The following FOXP2 variants were observed in gnomAD, a reference collection of about 807,000 sequenced individuals.
FOXP2 encodes forkhead box P2, also known as forkhead box protein P2.
Under a neutral mutation model 115.8 loss-of-function variants are expected in FOXP2, and 12 were observed. The observed-to-expected ratio is 0.10, with a 90% CI of 0.07 to 0.17. FOXP2 has a LOEUF of 0.17. Among genes scored for constraint, FOXP2 ranks in the 10% least tolerant of loss-of-function variants. The pLI, the probability that FOXP2 is intolerant of heterozygous loss-of-function variation, is 1.00. For missense variants in FOXP2, 629 were observed against 843.5 expected (o/e 0.75, Z 3.15); for synonymous variants, 328 against 297.7 (o/e 1.10, Z -1.05).
At chr7:114,572,615 G>T (rs557032077) in intron 3 of FOXP2, among the ~76,000 whole-genome samples, 1 of 151,864 alleles carries the variant, frequency 6.6e-6, no homozygotes, top group East Asian at 1.9e-4. Flanking sequence ...AAATGGGACA[G>T]TTTTCCTAAT....
chr7:114,620,258 A>C (rs1804176817), intron 3 of FOXP2, among the ~76,000 whole-genome samples: 1 of 152,106 alleles, frequency 6.6e-6, no homozygotes, highest in Non-Finnish European at 1.5e-5. Flanking sequence ...TAGAAATAAC[A>C]GCAACAAATT....
intron 9 of FOXP2, 46 bp from the exon 10 acceptor site, chr7:114,653,880 T>A (rs752044370): frequency 6.5e-7 from 1 of 1,547,694 alleles, no homozygotes; most frequent in South Asian, 1.1e-5. Context: ...AAAATAGCTG[T>A]ATCAGTCATT....
At chr7:114,097,702 A>T (rs1365557571) in intron 1 of FOXP2, among the ~76,000 whole-genome samples, 1 of 152,126 alleles carries the variant, frequency 6.6e-6, no homozygotes, top group African/African-American at 2.4e-5. Context: ...TTTTGCTCTC[A>T]TACTGCCTTT....
chr7:114,344,248 C>T (rs796905594), intron 2 of FOXP2, among the ~76,000 whole-genome samples: 3 of 151,864 alleles, frequency 2.0e-5, no homozygotes, highest in African/African-American at 7.2e-5. Context: ...TCATCAATAT[C>T]TAAGCTCATG....
intron 2 of FOXP2, among the ~76,000 whole-genome samples, chr7:114,291,611 A>T (rs887751142): frequency 2.0e-5 from 3 of 151,706 alleles, no homozygotes; most frequent in Non-Finnish European, 4.4e-5. Context: ...AATGTCAGCC[A>T]GGTTGCATTT....
chr7:114,189,802 C>A (rs549789301), intron 1 of FOXP2, among the ~76,000 whole-genome samples: 1 of 152,184 alleles, frequency 6.6e-6, no homozygotes, highest in Admixed American at 6.5e-5. Flanking sequence ...CCCGGTGGTT[C>A]CAGTAAGAAT....
chr7:114,370,682 G>A (rs903223739), intron 2 of FOXP2, among the ~76,000 whole-genome samples: 7 of 152,148 alleles, frequency 4.6e-5, no homozygotes, highest in Non-Finnish European at 1.0e-4. Flanking sequence ...AAATGATTGA[G>A]TTTGGATTTG....
chr7:114,176,417 C>A (rs1425263972), intron 1 of FOXP2, among the ~76,000 whole-genome samples: 1 of 151,374 alleles, frequency 6.6e-6, no homozygotes, highest in Non-Finnish European at 1.5e-5. Context: ...CAGCTCACTG[C>A]AGCCTCAACC....
rs372958187 is a variant in FOXP2, at chr7:114,400,222, G to C, written c.-10-26280G>C. Among the ~76,000 whole-genome samples, 59 of 151,866 alleles carry C rather than the reference G, an allele frequency of 3.9e-4. 1 individual carries two copies. Among genetic ancestry groups the C allele is most frequent in the African/African-American group, 1.3e-3 (55 of 41,436 alleles). On this transcript the variant is annotated intron_variant, in intron 2 of 17. Coordinates refer to the FOXP2 transcript ENST00000634411. ...GTTGTTGTTGTTGTTGTTTTTGGTG[G>C]GGGATGTTATGCAAGAAAATAAAAT...
At chr7:114,550,993 C>G (rs528553407) in intron 3 of FOXP2, among the ~76,000 whole-genome samples, 35 of 151,960 alleles carry the variant, frequency 2.3e-4, no homozygotes, top group African/African-American at 8.0e-4. Context: ...TTTTTTTCTA[C>G]CTTTTTGCTT....
At chr7:114,279,522 C>T (rs918166434) in intron 1 of FOXP2, among the ~76,000 whole-genome samples, 1 of 151,990 alleles carries the variant, frequency 6.6e-6, no homozygotes, top group Non-Finnish European at 1.5e-5. Context: ...TCACATTTCC[C>T]CTAGTTTGAC....
At chr7:114,597,259 G>A (rs979064164) in intron 3 of FOXP2, among the ~76,000 whole-genome samples, 2 of 152,094 alleles carry the variant, frequency 1.3e-5, no homozygotes, top group African/African-American at 2.4e-5. Context: ...TCTGGCAGGA[G>A]TATATATCTG....
chr7:114,579,747 C>A (rs1013889064), intron 3 of FOXP2, among the ~76,000 whole-genome samples: 9 of 152,268 alleles, frequency 5.9e-5, no homozygotes, highest in African/African-American at 2.2e-4. Flanking sequence ...ATTATTCTTA[C>A]ATAGCTCCAT....
chr7:114,183,930 A>C (rs1793523765), intron 1 of FOXP2, among the ~76,000 whole-genome samples: 1 of 152,198 alleles, frequency 6.6e-6, no homozygotes. Context: ...AGTTGCCAGA[A>C]GATTAGTTAA....
chr7:114,464,547 A>G (rs547289623), intron 2 of FOXP2, among the ~76,000 whole-genome samples: 2 of 152,218 alleles, frequency 1.3e-5, no homozygotes, highest in African/African-American at 4.8e-5. Context: ...AGTTGGGTAG[A>G]TCATAATTAG....
At chr7:114,280,690 T>C (rs1178330750) in intron 1 of FOXP2, among the ~76,000 whole-genome samples, 1 of 152,158 alleles carries the variant, frequency 6.6e-6, no homozygotes, top group Non-Finnish European at 1.5e-5. Flanking sequence ...AATTTAAATA[T>C]ACTTAAAAGT....
chr7:114,466,006 C>T (rs1795783259), intron 2 of FOXP2, among the ~76,000 whole-genome samples: 1 of 152,164 alleles, frequency 6.6e-6, no homozygotes, highest in Admixed American at 6.5e-5. Flanking sequence ...TAGACTCCCT[C>T]ATTATACCCA....
chr7:114,160,487 A>G (rs1792799050), upstream of FOXP2, among the ~76,000 whole-genome samples: 2 of 152,158 alleles, frequency 1.3e-5, no homozygotes, highest in Admixed American at 6.6e-5. Flanking sequence ...GGTGACTTAA[A>G]TGTTTATTTA....
At chr7:114,632,735 C>A (rs903469313) in intron 6 of FOXP2, among the ~76,000 whole-genome samples, 2 of 151,930 alleles carry the variant, frequency 1.3e-5, no homozygotes, top group Non-Finnish European at 2.9e-5. Flanking sequence ...GACTTCAAAT[C>A]TTCTAATTCA....
Sources: allele counts gnomAD v4.1 joint callset (sites outside exome capture counted in the v4.1 genomes callset), GRCh38; gene constraint gnomAD v4.1.1; transcripts MANE v1.5; gene names NCBI Gene and HGNC (gene_info 2026-07-23, HGNC 2026-07-21).